Variants in NEDD4L observed in about 807,000 individuals in gnomAD.
NEDD4L encodes NEDD4 like E3 ubiquitin protein ligase.
A neutral mutation model predicts 148.9 loss-of-function variants in NEDD4L; 54 were observed. The ratio of observed to expected loss-of-function variants is 0.36; its 90% CI spans 0.29 to 0.45. The LOEUF (loss-of-function observed/expected upper bound fraction) is 0.45. Ranked by LOEUF, NEDD4L falls within the 20% of genes least tolerant of loss-of-function variation. The pLI, the probability that NEDD4L is intolerant of heterozygous loss-of-function variation, is 1.00. For missense variants in NEDD4L, 856 were observed against 1,233.8 expected, an observed-to-expected ratio of 0.69 and a Z score of 4.59; for synonymous variants, 433 against 440.7, an observed-to-expected ratio of 0.98 and a Z score of 0.22.
At chr18:58,151,023 A>G (rs2034661811) in intron 1 of NEDD4L, among the ~76,000 whole-genome samples, 1 of 152,210 alleles carries the variant, frequency 6.6e-6, no homozygotes, top group South Asian at 2.1e-4. Context: ...GATCTAACCT[A>G]CTTTTAAAAG....
At chr18:58,317,932 A>C (rs1445156718) in intron 6 of NEDD4L, among the ~76,000 whole-genome samples, 1 of 152,210 alleles carries the variant, frequency 6.6e-6, no homozygotes, top group Non-Finnish European at 1.5e-5. Flanking sequence ...CAAAGAAAAC[A>C]AAAGGAGAGG....
chr18:58,347,226 C>CA (rs2043212608), intron 16 of NEDD4L, among the ~76,000 whole-genome samples: 1 of 119,648 alleles, frequency 8.4e-6, no homozygotes, highest in Non-Finnish European at 1.8e-5. Flanking sequence ...CCCCCCCCCC[C>CA]CTTTAAATCA....
chr18:58,095,679 C>G (rs1016251608), intron 1 of NEDD4L, among the ~76,000 whole-genome samples: 3 of 152,252 alleles, frequency 2.0e-5, no homozygotes, highest in Non-Finnish European at 4.4e-5. Context: ...ACATCTCTGC[C>G]AGCCCTGTAA....
At chr18:58,085,508 C>T (rs1426587394) in intron 1 of NEDD4L, among the ~76,000 whole-genome samples, 6 of 152,028 alleles carry the variant, frequency 3.9e-5, no homozygotes, top group East Asian at 3.8e-4. Flanking sequence ...GATAATGAGG[C>T]GATCCCAAGG....
intron 6 of NEDD4L, among the ~76,000 whole-genome samples, chr18:58,319,996 T>G (rs1462961779): frequency 6.6e-6 from 1 of 152,212 alleles, no homozygotes; most frequent in Non-Finnish European, 1.5e-5. Context: ...ATAAGGAACT[T>G]GCCCTTAGCC....
chr18:58,344,210 C>T (rs2042778291), intron 16 of NEDD4L, among the ~76,000 whole-genome samples: 1 of 152,108 alleles, frequency 6.6e-6, no homozygotes, highest in Non-Finnish European at 1.5e-5. Context: ...AAGAACAAGC[C>T]CTGCTCAAGG....
Position 58,335,541 on chromosome 18 carries a change from A to G in NEDD4L, c.1125+4A>G, listed in dbSNP as rs1482438006. ...CACGGGTGGTGAGGAACCAACGGTA[A>G]TGATCCACTTTATCAGACATCAATA... On this transcript the variant is annotated splice_donor_region_variant and intron_variant, in intron 13 of 30. Coordinates refer to ENST00000400345, the MANE Select transcript of NEDD4L (RefSeq NM_001144967.3). 2 of 1,610,892 alleles carry G rather than the reference A, an allele frequency of 1.2e-6. No homozygotes were observed. The highest frequency in any genetic ancestry group is 1.7e-6 in the Non-Finnish European group (2 of 1,177,190).
chr18:58,080,107 T>A (rs1185017095), intron 1 of NEDD4L, among the ~76,000 whole-genome samples: 1 of 152,138 alleles, frequency 6.6e-6, no homozygotes, highest in East Asian at 1.9e-4. Context: ...AAATTTTTTG[T>A]AGAGACCGGG....
chr18:58,063,973 T>G (rs2082470195), intron 1 of NEDD4L, among the ~76,000 whole-genome samples: 1 of 8,378 alleles, frequency 1.2e-4, no homozygotes, highest in Non-Finnish European at 2.6e-4. Flanking sequence ...TTTTTTTTTT[T>G]TTTTTTTTTG....
intron 1 of NEDD4L, among the ~76,000 whole-genome samples, chr18:58,109,988 A>AG (rs1023715232): frequency 2.0e-5 from 3 of 152,136 alleles, no homozygotes; most frequent in Admixed American, 6.5e-5. Context: ...AGGGTTGTTG[A>AG]GGGGGGATGT....
intron 3 of NEDD4L, among the ~76,000 whole-genome samples, chr18:58,248,093 G>A (rs2288772): frequency 0.71 from 108,589 of 152,038 alleles, 39,568 homozygotes; most frequent in African/African-American, 0.88. Context: ...TGAAGTGATG[G>A]TTTTTTTTTA....
intron 2 of NEDD4L, among the ~76,000 whole-genome samples, chr18:58,234,059 TTCTTTCTTTC>T (rs975915546): frequency 1.3e-4 from 11 of 83,566 alleles, no homozygotes; most frequent in African/African-American, 5.7e-4. Context: ...CTTTCTTTCT[TTCTTTCTTTC>T]TTTCTTTCTT....
chr18:58,388,982 G>C (rs542805386), intron 27 of NEDD4L, 103 bp from the exon 28 acceptor site: 1 of 875,004 alleles, frequency 1.1e-6, no homozygotes, highest in African/African-American at 1.7e-5. Flanking sequence ...GCTTACCTTC[G>C]CGGCACAGTG....
chr18:58,340,851 T>C, intron 13 of NEDD4L, 187 bp from the exon 14 acceptor site: 1 of 604,384 alleles, frequency 1.7e-6, no homozygotes, highest in South Asian at 2.3e-5. Context: ...TGGGGTTCAT[T>C]TCACAGTAGA....
At chr18:58,049,863 G>A (rs1300003700) in intron 1 of NEDD4L, among the ~76,000 whole-genome samples, 1 of 151,078 alleles carries the variant, frequency 6.6e-6, no homozygotes, top group Non-Finnish European at 1.5e-5. Flanking sequence ...TGTAGTCCCA[G>A]CTACTTGGGA....
chr18:58,149,597 G>T, intron 1 of NEDD4L: 1 of 1,376,500 alleles, frequency 7.3e-7, no homozygotes, highest in Non-Finnish European at 1.0e-6. Context: ...GGGGGAGGAG[G>T]TTTTACCTTC....
chr18:58,184,796 C>T (rs1178547191), intron 2 of NEDD4L, among the ~76,000 whole-genome samples: 6 of 151,972 alleles, frequency 3.9e-5, no homozygotes, highest in East Asian at 3.9e-4. Flanking sequence ...GGCATGGCGG[C>T]GGGCGCCTGT....
chr18:58,282,148 T>G (rs931461333), intron 5 of NEDD4L, among the ~76,000 whole-genome samples: 1 of 109,356 alleles, frequency 9.1e-6, no homozygotes, highest in Non-Finnish European at 1.9e-5. Flanking sequence ...CAAAGGTCTC[T>G]CTGAGTTTCA....
At chr18:58,208,549 T>TG (rs2042198719) in intron 2 of NEDD4L, among the ~76,000 whole-genome samples, 1 of 35,008 alleles carries the variant, frequency 2.9e-5, no homozygotes, top group Non-Finnish European at 1.2e-4. Flanking sequence ...TAAGTCATCC[T>TG]TAATTCCCTG....
Sources: gnomAD v4.1 joint callset for allele counts (sites outside exome capture counted in the v4.1 genomes callset) on GRCh38, gnomAD v4.1.1 for gene constraint, MANE v1.5 for transcripts, NCBI Gene and HGNC (gene_info 2026-07-23, HGNC 2026-07-21) for gene names.